MYO5B: variants seen among roughly 807,000 people sequenced by gnomAD.
MYO5B encodes the protein unconventional myosin-Vb.
Under a neutral mutation model 229.3 loss-of-function variants are expected in MYO5B, and 143 were observed. The ratio of observed to expected loss-of-function variants is 0.62; its 90% CI spans 0.54 to 0.72. The LOEUF (loss-of-function observed/expected upper bound fraction) is 0.72, where lower values mean the gene tolerates loss of function less well. MYO5B is among the 30% of genes least tolerant of loss of function. The pLI, the probability that MYO5B is intolerant of heterozygous loss-of-function variation, is 0.00. For synonymous variants in MYO5B, 918 were observed against 885.2 expected, an observed-to-expected ratio of 1.04 and a Z score of -0.66; for missense variants, 2,321 against 2,331.0, an observed-to-expected ratio of 1.00 and a Z score of 0.09.
intron 14 of MYO5B, among the ~76,000 whole-genome samples, chr18:49,948,604 C>T (rs2025400185): frequency 6.6e-6 from 1 of 152,194 alleles, no homozygotes; most frequent in African/African-American, 2.4e-5. Context: ...AGCTCCTATT[C>T]AGAAAATAAG....
Position 49,984,745 on chromosome 18 carries a change from T to C in MYO5B, c.919A>G (p.Lys307Glu), listed in dbSNP as rs763323837. The change falls in exon 8 of 40, where the codon AAG becomes GAG. Residue 307 changes from lysine to glutamate, a missense_variant. Transcript: ENST00000285039. ...EGVDDAEDFE[K>E]TRQAFTLLGV... ...AGGAGTGTGAAGGCTTGTCGAGTCT[T>C]CTCAAAGTCCTCAGCATCGTCCACA... is the stretch of plus-strand genomic sequence containing the variant. The C allele has an allele frequency of 1.2e-6, 2 of 1,613,582 alleles. No homozygotes were observed. The highest frequency in any genetic ancestry group is 1.1e-5 in the South Asian group (1 of 91,070).
At chr18:49,965,595 C>A (rs898976808) in intron 10 of MYO5B, among the ~76,000 whole-genome samples, 1 of 152,104 alleles carries the variant, frequency 6.6e-6, no homozygotes, top group Non-Finnish European at 1.5e-5. Context: ...GTAATGCCTC[C>A]AGCAGCCAAG....
chr18:49,925,086 A>G (rs1006455253), intron 17 of MYO5B, among the ~76,000 whole-genome samples: 1 of 152,176 alleles, frequency 6.6e-6, no homozygotes, highest in African/African-American at 2.4e-5. Flanking sequence ...GGAGCTGCAC[A>G]TGCCTCATTA....
chr18:50,031,575 T>C (rs930057861), intron 4 of MYO5B, among the ~76,000 whole-genome samples: 2 of 152,216 alleles, frequency 1.3e-5, no homozygotes, highest in Admixed American at 6.5e-5. Flanking sequence ...TCACACTTTA[T>C]AATTCCCTGC....
chr18:49,919,821 T>TAC (rs1242168335), intron 17 of MYO5B, among the ~76,000 whole-genome samples: 1 of 152,198 alleles, frequency 6.6e-6, no homozygotes, highest in Non-Finnish European at 1.5e-5. Context: ...CTCCAAGGTA[T>TAC]ACCCTCAAGA....
rs375057436 is a variant in MYO5B, at chr18:49,906,619, C to A, written c.2214G>T (p.Lys738Asn). 89 of 1,613,952 alleles carry A rather than the reference C, an allele frequency of 5.5e-5. No homozygotes were observed. The highest frequency in any genetic ancestry group is 2.7e-4 in the African/African-American group (20 of 75,064). The change falls in exon 19 of 40, where the codon AAG (lysine) becomes AAT (asparagine). Residue 738 changes from lysine (K) to asparagine (N), a missense_variant. This residue lies in a region of MYO5B where 2,113 missense variants were observed against 2,044.7 expected (regional missense o/e 1.03). Transcript: ENST00000285039. Reference protein sequence around the residue: ...VLENLIKDPDKFQFGRTKIFF... With the variant: ...VLENLIKDPDNFQFGRTKIFF... ...AGATCTTGGTGCGGCCAAACTGGAA[C>A]TTGTCGGGGTCCTTTACAAGGTAGG...
In MYO5B at chr18:50,047,147, C is replaced by A. The variant is rs1027983130; in HGVS notation, c.139-6833G>T. Among the ~76,000 whole-genome samples the A allele has an allele frequency of 2.0e-5, 3 of 152,310 alleles. No individual in the cohort carries two copies. The East Asian group carries it at 5.8e-4, about 29-fold the overall frequency. ...CAAAAGAAACTACCATCGGAGTGAA[C>A]AGACAACCTACAGAATGGGAGAAAA... On this transcript the variant is annotated intron_variant, in intron 2 of 39. Coordinates refer to ENST00000285039, the MANE Select transcript of MYO5B (RefSeq NM_001080467.3).
At chr18:50,177,432 C>T (rs1458612273) in intron 1 of MYO5B, among the ~76,000 whole-genome samples, 2 of 152,186 alleles carry the variant, frequency 1.3e-5, no homozygotes, top group African/African-American at 4.8e-5. Context: ...TCTTTGCCTT[C>T]TTCCTCAAAC....
At chr18:49,905,533 T>C (rs1419218139) in intron 19 of MYO5B, among the ~76,000 whole-genome samples, 1 of 152,176 alleles carries the variant, frequency 6.6e-6, no homozygotes, top group Non-Finnish European at 1.5e-5. Context: ...TGGAAATCAT[T>C]CAGCAAAGCC....
intron 21 of MYO5B, among the ~76,000 whole-genome samples, chr18:49,898,386 A>T (rs1227375590): frequency 6.6e-6 from 1 of 152,244 alleles, no homozygotes; most frequent in Non-Finnish European, 1.5e-5. Flanking sequence ...CCTTATATTC[A>T]TAAGTGTCTA....
chr18:50,067,650 C>T (rs1208204307), intron 1 of MYO5B, among the ~76,000 whole-genome samples: 1 of 152,112 alleles, frequency 6.6e-6, no homozygotes, highest in Admixed American at 6.6e-5. Flanking sequence ...TTAAAAAGAG[C>T]CTGGCACCTC....
chr18:49,849,183 A>C (rs563499548), intron 32 of MYO5B, among the ~76,000 whole-genome samples: 3 of 152,244 alleles, frequency 2.0e-5, no homozygotes, highest in African/African-American at 7.2e-5. Context: ...CTGACACTCA[A>C]TAGCATGGAG....
At chr18:49,933,109 G>A (rs1233900692) in intron 16 of MYO5B, among the ~76,000 whole-genome samples, 3 of 152,164 alleles carry the variant, frequency 2.0e-5, no homozygotes, top group Admixed American at 2.0e-4. Flanking sequence ...GCCCGCCATG[G>A]AATTGATTTC....
chr18:50,116,122 A>T (rs2031958112), intron 1 of MYO5B, among the ~76,000 whole-genome samples: 1 of 152,238 alleles, frequency 6.6e-6, no homozygotes, highest in Non-Finnish European at 1.5e-5. Context: ...TGAAAGTCTA[A>T]GACAGACTCC....
intron 25 of MYO5B, among the ~76,000 whole-genome samples, 162 bp from the exon 26 acceptor site, chr18:49,875,989 T>C (rs1162003108): frequency 1.3e-5 from 2 of 152,212 alleles, no homozygotes; most frequent in Non-Finnish European, 2.9e-5. Flanking sequence ...CCAACTAACA[T>C]TTCTCATATC....
intron 34 of MYO5B, 43 bp downstream of exon 34, chr18:49,843,198 C>G: frequency 6.2e-7 from 1 of 1,611,764 alleles, no homozygotes; most frequent in African/African-American, 1.3e-5. Flanking sequence ...GCTGGCTTCA[C>G]TCTACCCACC....
At chr18:50,103,203 C>T (rs1385457289) in intron 1 of MYO5B, among the ~76,000 whole-genome samples, 1 of 152,232 alleles carries the variant, frequency 6.6e-6, no homozygotes, top group East Asian at 1.9e-4. Flanking sequence ...AACAGTGGAC[C>T]AAAAGGTCCT....
intron 1 of MYO5B, among the ~76,000 whole-genome samples, chr18:50,079,016 A>G (rs754056340): frequency 1.2e-4 from 18 of 152,242 alleles, no homozygotes; most frequent in Admixed American, 3.3e-4. Flanking sequence ...AAATTTCAAA[A>G]ACAGGCAAAG....
Position 49,912,047 on chromosome 18 carries a change from G to T in MYO5B, c.2202+15C>A. The T allele has an allele frequency of 6.2e-7, 1 of 1,604,390 alleles. No homozygotes were observed. Among genetic ancestry groups the T allele is most frequent in the Non-Finnish European group, 8.5e-7 (1 of 1,171,174 alleles). On this transcript the variant is annotated intron_variant, in intron 18 of 39. Coordinates refer to ENST00000285039, the MANE Select transcript of MYO5B (RefSeq NM_001080467.3). ...CCTGGTCAGGCCTCTCCTGGAGCTG[G>T]GCTGTGTGGCTCACCTTGATGAGGT... is the stretch of plus-strand genomic sequence containing the variant.
Sources: allele counts gnomAD v4.1 joint callset (sites outside exome capture counted in the v4.1 genomes callset), GRCh38; gene constraint gnomAD v4.1.1; regional missense constraint gnomAD v4.1.1; transcripts MANE v1.5; gene names NCBI Gene and HGNC (gene_info 2026-07-23, HGNC 2026-07-21).